FLT1: variants seen among roughly 807,000 people sequenced by gnomAD.
FLT1 encodes the protein vascular endothelial growth factor receptor 1.
Under a neutral mutation model 156.3 loss-of-function variants are expected in FLT1, and 49 were observed. That is an observed-to-expected ratio of 0.31 (90% confidence interval 0.25 to 0.40). The LOEUF is 0.40. Ranked by LOEUF, FLT1 falls within the 10% of genes least tolerant of loss-of-function variation. FLT1 has a pLI of 1.00. For synonymous variants in FLT1, 594 were observed against 583.8 expected, an observed-to-expected ratio of 1.02 and a Z score of -0.25; for missense variants, 1,322 against 1,637.2, an observed-to-expected ratio of 0.81 and a Z score of 3.32.
chr13:28,458,465 C>G (rs1226714223), intron 3 of FLT1, among the ~76,000 whole-genome samples: 4 of 152,194 alleles, frequency 2.6e-5, no homozygotes, highest in African/African-American at 9.7e-5. Flanking sequence ...AAATTGTTTT[C>G]TCTCTGAGGG....
Position 28,300,522 on chromosome 13 carries a change from CA to C in FLT1, c.*2644del, listed in dbSNP as rs1870465483. 4.5e-3 allele frequency: 30 copies of C among 6,654 alleles called. No homozygotes were observed. The South Asian group carries it at 0.05, about 11-fold the overall frequency. The allele number at this position is 6,654 out of a possible 1,614,324, so 0.4% of individuals were successfully genotyped here. A position where few individuals can be genotyped will look rare whatever the true frequency, so the allele number is the denominator to read the frequency against. On this transcript the variant is annotated 3_prime_UTR_variant, in exon 30 of 30. Transcript: ENST00000282397. Reference sequence around the variant, plus strand: ...GTTATGCACAAAACACACATACACCCACACACACACACACACACACACACAC... The same window carrying C: ...GTTATGCACAAAACACACATACACCCCACACACACACACACACACACACAC...
At chr13:28,357,435 G>C in intron 15 of FLT1, 119 bp downstream of exon 15, 1 of 1,005,010 alleles carries the variant, frequency 1.0e-6, no homozygotes, top group Non-Finnish European at 1.6e-6. Context: ...AGGGGAGAAG[G>C]AGGTCAGGGA....
At chr13:28,348,629 G>T (rs1296621035) in intron 15 of FLT1, among the ~76,000 whole-genome samples, 2 of 151,944 alleles carry the variant, frequency 1.3e-5, no homozygotes, top group African/African-American at 4.9e-5. Flanking sequence ...GAGTTTAGGG[G>T]CCGGGCGCGG....
intron 28 of FLT1, among the ~76,000 whole-genome samples, chr13:28,307,291 A>G (rs959544886): frequency 6.6e-5 from 10 of 152,178 alleles, no homozygotes; most frequent in African/African-American, 2.4e-4. Context: ...AGTTGCCTGC[A>G]GACTCTTCAC....
intron 19 of FLT1, chr13:28,328,253 T>A (rs1410023170): frequency 1.3e-5 from 2 of 152,306 alleles, no homozygotes; most frequent in Non-Finnish European, 1.5e-5. Context: ...TTCCCCCAAC[T>A]TTAAAAAGGT....
chr13:28,336,772 G>A (rs1872133448), intron 17 of FLT1, among the ~76,000 whole-genome samples: 1 of 146,810 alleles, frequency 6.8e-6, no homozygotes, highest in South Asian at 2.2e-4. Flanking sequence ...TTTGGAGACG[G>A]AGTCTCACTC....
At chr13:28,348,425 A>G (rs1002426175) in intron 15 of FLT1, among the ~76,000 whole-genome samples, 1 of 152,150 alleles carries the variant, frequency 6.6e-6, no homozygotes, top group Admixed American at 6.5e-5. Flanking sequence ...GTCACGCCAC[A>G]GTTCTTATAG....
At chr13:28,468,862 A>T (rs1259240410) in intron 1 of FLT1, among the ~76,000 whole-genome samples, 1 of 152,216 alleles carries the variant, frequency 6.6e-6, no homozygotes, top group African/African-American at 2.4e-5. Flanking sequence ...TAAATTACCA[A>T]GCCTCAGATA....
chr13:28,394,907 C>G (rs912237702), intron 12 of FLT1, among the ~76,000 whole-genome samples: 12 of 152,190 alleles, frequency 7.9e-5, no homozygotes, highest in African/African-American at 2.9e-4. Context: ...TCAGTATTCA[C>G]ACCTTTGGGT....
chr13:28,427,736 T>G lies in FLT1; in HGVS notation c.1276+16A>C. ...TGCCTACCAGAACCAGAAGAAAGTA[T>G]GAACAGCAAACTTACCATTGACAAT... On this transcript the variant is annotated intron_variant, in intron 9 of 29. Transcript: ENST00000282397. The G allele has an allele frequency of 1.2e-6, 2 of 1,611,674 alleles. No homozygotes were observed. Among genetic ancestry groups the G allele is most frequent in the Non-Finnish European group, 8.5e-7 (1 of 1,177,810 alleles).
At chr13:28,366,109 A>AT (rs111613994) in intron 14 of FLT1, among the ~76,000 whole-genome samples, 3,596 of 150,928 alleles carry the variant, frequency 0.024, 139 homozygotes, top group African/African-American at 0.082. Flanking sequence ...AGAAATTTGA[A>AT]TTTTTTTTTT....
At chr13:28,468,201 A>C (rs674547) in intron 1 of FLT1, among the ~76,000 whole-genome samples, 22,673 of 152,206 alleles carry the variant, frequency 0.15, 3,108 homozygotes, top group African/African-American at 0.36. Flanking sequence ...TTATAGAATC[A>C]AAATCAGTTT....
chr13:28,483,494 T>C (rs1880975592), intron 1 of FLT1, among the ~76,000 whole-genome samples: 1 of 151,146 alleles, frequency 6.6e-6, no homozygotes, highest in African/African-American at 2.5e-5. Context: ...GAGTGAAAGA[T>C]AAAACTCCTC....
chr13:28,407,123 G>A (rs910467260), intron 10 of FLT1, among the ~76,000 whole-genome samples: 2 of 152,144 alleles, frequency 1.3e-5, no homozygotes, highest in African/African-American at 2.4e-5. Flanking sequence ...ACAAATCGAC[G>A]TATTCACTCT....
rs1228400858 is a variant in FLT1 at position 28,494,797 on chromosome 13, C to T, written c.47G>A (p.Ser16Asn). Residue 16 changes from serine (S) to asparagine (N), a missense_variant, in exon 1 of 30, where the codon AGC becomes AAC. Transcript: ENST00000282397. ...CGCCTCACCTGTGAGAAGCAGACAGCTGAGCAGCGCGCACAGCAGGACCCC... is the reference window on the plus strand; with the variant it reads ...CGCCTCACCTGTGAGAAGCAGACAGTTGAGCAGCGCGCACAGCAGGACCCC... ...DTGVLLCALL[S>N]CLLLTGSSSG... The T allele has an allele frequency of 6.4e-7, 1 of 1,574,528 alleles. No individual in the cohort carries two copies. Among genetic ancestry groups the T allele is most frequent in the Admixed American group, 1.8e-5 (1 of 56,550 alleles).
At chr13:28,432,904 C>T (rs1486308554) in intron 6 of FLT1, among the ~76,000 whole-genome samples, 1 of 152,168 alleles carries the variant, frequency 6.6e-6, no homozygotes, top group Non-Finnish European at 1.5e-5. Flanking sequence ...AATACCTCTC[C>T]TAGAGAATAG....
At chr13:28,469,163 C>T (rs772468978) in intron 1 of FLT1, among the ~76,000 whole-genome samples, 1 of 152,108 alleles carries the variant, frequency 6.6e-6, no homozygotes, top group South Asian at 2.1e-4. Flanking sequence ...TAGAAGTTAG[C>T]AGGAGAGAGG....
chr13:28,474,507 C>CACACACACACACACAGACACACAG (rs1555245768), intron 1 of FLT1, among the ~76,000 whole-genome samples: 3,871 of 150,656 alleles, frequency 0.026, 172 homozygotes, highest in African/African-American at 0.09. Flanking sequence ...CACACACACA[C>CACACACACACACACAGACACACAG]ACACACACAC....
chr13:28,494,585 G>A (rs1384979552), intron 1 of FLT1, among the ~76,000 whole-genome samples, 195 bp downstream of exon 1: 7 of 152,104 alleles, frequency 4.6e-5, no homozygotes, highest in Admixed American at 4.6e-4. Context: ...ACTCCTCGAG[G>A]CGCTCCCTCG....
Sources: gnomAD v4.1 joint callset for allele counts (sites outside exome capture counted in the v4.1 genomes callset) on GRCh38, gnomAD v4.1.1 for gene constraint, MANE v1.5 for transcripts, NCBI Gene and HGNC (gene_info 2026-07-23, HGNC 2026-07-21) for gene names.